ODAPH: variants seen among roughly 807,000 people sequenced by gnomAD.
ODAPH encodes odontogenesis associated phosphoprotein.
ODAPH carries 2 observed loss-of-function variants against 2.8 expected under a neutral mutation model. The ratio of observed to expected loss-of-function variants is 0.72; its 90% CI spans 0.30 to 2.28. The LOEUF (loss-of-function observed/expected upper bound fraction) is 2.28. Ranked by LOEUF, ODAPH falls within the 30% of genes most tolerant of loss-of-function variation. The probability of loss-of-function intolerance (pLI) is 0.13; values close to 1 mark genes in which losing one functional copy is unlikely to be tolerated. For synonymous variants in ODAPH, 75 were observed against 60.3 expected, an observed-to-expected ratio of 1.24 and a Z score of -1.13; for missense variants, 159 against 163.3, an observed-to-expected ratio of 0.97 and a Z score of 0.14.
At chr4:75,559,350 A>C (rs1476482103) in intron 1 of ODAPH, among the ~76,000 whole-genome samples, 1 of 152,226 alleles carries the variant, frequency 6.6e-6, no homozygotes, top group Non-Finnish European at 1.5e-5. Flanking sequence ...TTAAGTGTGA[A>C]CTGTATGTCC....
intron 1 of ODAPH, among the ~76,000 whole-genome samples, chr4:75,557,327 A>C (rs777538960): frequency 4.3e-4 from 66 of 152,178 alleles, no homozygotes; most frequent in Non-Finnish European, 8.8e-4. Flanking sequence ...TTAGAGATTT[A>C]TTTTATTCAC....
At chr4:75,558,852 T>C (rs1179425847) in intron 1 of ODAPH, among the ~76,000 whole-genome samples, 4 of 152,140 alleles carry the variant, frequency 2.6e-5, no homozygotes, top group Admixed American at 2.0e-4. Context: ...TCTGCCACCA[T>C]GCCCGGCTAA....
chr4:75,558,690 TTGTTTGTTTGTA>T lies in ODAPH; in HGVS notation c.67+2552_67+2563del, dbSNP rs1443265036. Among the ~76,000 whole-genome samples the T allele has an allele frequency of 2.0e-3, 304 of 152,220 alleles. 4 individuals are homozygous for T. The highest frequency in any genetic ancestry group is 1.9e-4 in the Non-Finnish European group (13 of 68,002). ...TTCTATTATACTCTAATTTTTTTGT[TTGTTTGTTTGTA>T]TGTTTGTTTGAGACAGGGTCTCCCT... On this transcript the variant is annotated intron_variant, in intron 1 of 1. Transcript: ENST00000311623.
intron 1 of ODAPH, among the ~76,000 whole-genome samples, chr4:75,558,030 A>T (rs1472069863): frequency 6.6e-6 from 1 of 152,228 alleles, no homozygotes; most frequent in Non-Finnish European, 1.5e-5. Context: ...TTTGTGCATC[A>T]CCTACGGCAC....
At chr4:75,560,977 G>A (rs577707399) in intron 1 of ODAPH, among the ~76,000 whole-genome samples, 5 of 152,296 alleles carry the variant, frequency 3.3e-5, no homozygotes, top group Non-Finnish European at 7.4e-5. Context: ...CAGCACTTTG[G>A]GAGGCCGAGG....
At chr4:75,556,189 T>G in intron 1 of ODAPH, 40 bp downstream of exon 1, 1 of 1,585,310 alleles carries the variant, frequency 6.3e-7, no homozygotes, top group Middle Eastern at 1.7e-4. Context: ...GTCCACTAAT[T>G]AATAAGTTGT....
intron 1 of ODAPH, among the ~76,000 whole-genome samples, chr4:75,559,647 T>G (rs1727482017): frequency 6.6e-6 from 1 of 152,230 alleles, no homozygotes; most frequent in Admixed American, 6.5e-5. Flanking sequence ...AGAGCTCTCA[T>G]CTTTGACATC....
In ODAPH at chr4:75,556,154, G is replaced by A. The variant is rs758136866; in HGVS notation, c.67+5G>A. The A allele has an allele frequency of 1.2e-6, 2 of 1,613,676 alleles. No individual in the cohort carries two copies. The highest frequency in any genetic ancestry group is 1.3e-5 in the African/African-American group (1 of 74,882). On this transcript the variant is annotated splice_donor_5th_base_variant and intron_variant, in intron 1 of 1. Coordinates refer to ENST00000311623, the MANE Select transcript of ODAPH (RefSeq NM_178497.5). ...TGGTGGTAACTGTGGCAGAAGGTAA[G>A]GGTTTTGCTTTTATTCTACTGTGGG...
chr4:75,558,032 C>A (rs1050843940), intron 1 of ODAPH, among the ~76,000 whole-genome samples: 1 of 152,206 alleles, frequency 6.6e-6, no homozygotes, highest in Admixed American at 6.5e-5. Context: ...TGTGCATCAC[C>A]TACGGCACGT....
chr4:75,556,166 T>C lies in ODAPH; in HGVS notation c.67+17T>C, dbSNP rs1429148129. ...TGGCAGAAGGTAAGGGTTTTGCTTT[T>C]ATTCTACTGTGGGTCCACTAATTAA... On this transcript the variant is annotated intron_variant, in intron 1 of 1. Transcript: ENST00000311623. 5 of 1,612,162 alleles carry C rather than the reference T, an allele frequency of 3.1e-6. No individual in the cohort carries two copies. Among genetic ancestry groups the C allele is most frequent in the Non-Finnish European group, 4.2e-6 (5 of 1,178,152 alleles).
Position 75,556,169 on chromosome 4 carries a change from TCTA to T in ODAPH, c.67+23_67+25del, listed in dbSNP as rs769045916. On this transcript the variant is annotated intron_variant, in intron 1 of 1. Transcript: ENST00000311623. ...CAGAAGGTAAGGGTTTTGCTTTTAT[TCTA>T]CTGTGGGTCCACTAATTAATAAGTT... 1 of 1,611,094 alleles carries T rather than the reference TCTA, an allele frequency of 6.2e-7. No individual in the cohort carries two copies. Among genetic ancestry groups the T allele is most frequent in the Non-Finnish European group, 8.5e-7 (1 of 1,177,186 alleles).
intron 1 of ODAPH, among the ~76,000 whole-genome samples, chr4:75,557,502 G>A (rs1727382632): frequency 6.6e-6 from 1 of 152,080 alleles, no homozygotes; most frequent in South Asian, 2.1e-4. Flanking sequence ...AGCCAGGTGT[G>A]GTGGTGCATG....
chr4:75,556,681 T>A (rs1377574375), intron 1 of ODAPH: 1 of 835,864 alleles, frequency 1.2e-6, no homozygotes, highest in African/African-American at 1.7e-5. Flanking sequence ...TTCTTTAGGA[T>A]TTTATTAGAT....
chr4:75,556,579 C>T, intron 1 of ODAPH: 1 of 1,534,360 alleles, frequency 6.5e-7, no homozygotes. Context: ...TATTAATTTG[C>T]ACATGGTGGG....
chr4:75,556,401 C>A, intron 1 of ODAPH: 1 of 730,620 alleles, frequency 1.4e-6, no homozygotes, highest in Non-Finnish European at 2.3e-6. Context: ...TGTGAAGTGA[C>A]AACATTAACA....
At chr4:75,562,610 G>C (rs886342776) in intron 1 of ODAPH, among the ~76,000 whole-genome samples, 1 of 152,162 alleles carries the variant, frequency 6.6e-6, no homozygotes, top group South Asian at 2.1e-4. Flanking sequence ...AAAGTGCTGG[G>C]ATTACAAGGG....
Position 75,564,687 on chromosome 4 carries a change from G to A in ODAPH, c.*248G>A. Reference sequence around the variant, plus strand: ...TATCCTCAACCTCTTATGGTCACAGGATATTTATGCAAATAAAATCTTTAA... The same window carrying A: ...TATCCTCAACCTCTTATGGTCACAGAATATTTATGCAAATAAAATCTTTAA... On this transcript the variant is annotated 3_prime_UTR_variant, in exon 2 of 2. Transcript: ENST00000311623. 1.4e-6 allele frequency: 1 copy of A among 715,156 alleles called. No homozygotes were observed. Among genetic ancestry groups the A allele is most frequent in the African/African-American group, 1.8e-5 (1 of 55,980 alleles). 44.3% of individuals were successfully genotyped at this position (715,156 alleles called of 1,614,324 possible). A position where few individuals can be genotyped will look rare whatever the true frequency, so the allele number is the denominator to read the frequency against.
intron 1 of ODAPH, 112 bp from the exon 2 acceptor site, chr4:75,564,002 T>C (rs915318418): frequency 7.5e-6 from 7 of 938,416 alleles, no homozygotes; most frequent in African/African-American, 6.5e-5. Context: ...CAAATATACA[T>C]TGAGATTTCT....
intron 1 of ODAPH, 72 bp downstream of exon 1, chr4:75,556,221 C>T: frequency 7.4e-7 from 1 of 1,356,944 alleles, no homozygotes. Context: ...AAACTGGCTC[C>T]ATGATTATAC....
Sources: allele counts gnomAD v4.1 joint callset (sites outside exome capture counted in the v4.1 genomes callset), GRCh38; gene constraint gnomAD v4.1.1; transcripts MANE v1.5; gene names NCBI Gene and HGNC (gene_info 2026-07-23, HGNC 2026-07-21).